The following ZFHX3 variants were observed in gnomAD, a reference collection of about 807,000 sequenced individuals.
The protein encoded by ZFHX3 is zinc finger homeobox protein 3.
Under a neutral mutation model 279.1 loss-of-function variants are expected in ZFHX3, and 42 were observed. The ratio of observed to expected loss-of-function variants is 0.15; its 90% confidence interval spans 0.12 to 0.19. The LOEUF is 0.19. Ranked by LOEUF, ZFHX3 falls within the 10% of genes least tolerant of loss-of-function variation. ZFHX3 has a pLI of 1.00. For synonymous variants in ZFHX3, 2,293 were observed against 1,957.8 expected (o/e 1.17, Z -4.52); for missense variants, 4,981 against 4,754.0 (o/e 1.05, Z -1.40).
chr16:73,342,254 C>A (rs2016045556), intron 3 of ZFHX3, among the ~76,000 whole-genome samples: 1 of 152,144 alleles, frequency 6.6e-6, no homozygotes, highest in South Asian at 2.1e-4. Flanking sequence ...GGGGTCTTTG[C>A]AAAAGCTAAC....
chr16:73,854,642 T>C (rs1279266954), intron 1 of ZFHX3, among the ~76,000 whole-genome samples: 1 of 148,410 alleles, frequency 6.7e-6, no homozygotes, highest in African/African-American at 2.5e-5. Context: ...ATATTTTCTC[T>C]GGTTAAATAG....
intron 5 of ZFHX3, among the ~76,000 whole-genome samples, chr16:73,210,772 A>C (rs1007507174): frequency 1.3e-5 from 2 of 152,202 alleles, no homozygotes; most frequent in African/African-American, 4.8e-5. Flanking sequence ...GGGGAACAAG[A>C]GAGATGGCAG....
At chr16:73,170,765 G>A (rs1967501986) in intron 5 of ZFHX3, among the ~76,000 whole-genome samples, 1 of 152,140 alleles carries the variant, frequency 6.6e-6, no homozygotes, top group Non-Finnish European at 1.5e-5. Flanking sequence ...TGTACTTCCT[G>A]TCTCCCCAGG....
chr16:73,657,370 A>T (rs536198015), intron 2 of ZFHX3, among the ~76,000 whole-genome samples: 6 of 152,342 alleles, frequency 3.9e-5, no homozygotes, highest in Non-Finnish European at 8.8e-5. Context: ...GGCAGGGAGA[A>T]TCACCTAAAT....
At chr16:73,241,493 T>C (rs1040280868) in intron 5 of ZFHX3, among the ~76,000 whole-genome samples, 10 of 151,896 alleles carry the variant, frequency 6.6e-5, no homozygotes, top group African/African-American at 2.4e-4. Context: ...CTAAGAGTAA[T>C]AAAAGGAGGG....
At chr16:73,418,083 C>T (rs1226898811) in intron 3 of ZFHX3, among the ~76,000 whole-genome samples, 1 of 151,846 alleles carries the variant, frequency 6.6e-6, no homozygotes, top group Non-Finnish European at 1.5e-5. Flanking sequence ...AGCACAGCAG[C>T]TGACCATTCC....
chr16:72,983,601 G>A (rs1163380090), intron 1 of ZFHX3, among the ~76,000 whole-genome samples: 1 of 152,298 alleles, frequency 6.6e-6, no homozygotes, highest in East Asian at 1.9e-4. Context: ...CAGCTACTCA[G>A]GAGGATGAGA....
At chr16:73,458,735 T>C (rs990241802) in intron 2 of ZFHX3, among the ~76,000 whole-genome samples, 3 of 152,188 alleles carry the variant, frequency 2.0e-5, no homozygotes, top group African/African-American at 7.2e-5. Flanking sequence ...TCTTATGCTT[T>C]TGTATGATAG....
intron 2 of ZFHX3, among the ~76,000 whole-genome samples, chr16:73,600,833 C>T (rs2052106527): frequency 6.6e-6 from 1 of 152,126 alleles, no homozygotes; most frequent in African/African-American, 2.4e-5. Flanking sequence ...AGAGTAGGCA[C>T]ATACCCAAAT....
chr16:72,801,932 C>A (rs1335329902), intron 7 of ZFHX3, among the ~76,000 whole-genome samples: 11 of 151,778 alleles, frequency 7.2e-5, no homozygotes, highest in Admixed American at 7.2e-4. Flanking sequence ...GGAAAAAAGA[C>A]TCCCCCCCAC....
intron 2 of ZFHX3, among the ~76,000 whole-genome samples, chr16:73,640,160 A>C (rs1025888751): frequency 1.3e-5 from 2 of 152,178 alleles, no homozygotes; most frequent in Non-Finnish European, 2.9e-5. Context: ...ATGGAACTGG[A>C]GCATTCAGTG....
intron 2 of ZFHX3, among the ~76,000 whole-genome samples, chr16:73,458,366 CTCCTTCCTCCCTCCCT>C (rs1295366072): frequency 1.4e-5 from 2 of 142,576 alleles, no homozygotes; most frequent in Admixed American, 7.1e-5. Context: ...CCTTTCCTCC[CTCCTTCCTCCCTCCCT>C]TCCTTCCCTC....
rs535268377 is a variant in ZFHX3, at chr16:73,128,207, T to C, written c.-897+2761A>G. On this transcript the variant is annotated intron_variant, in intron 7 of 17. Transcript: ENST00000641206. ...GGGCTGGGTTTTAGAATCCTGTCTCTACCAGTTGTTACTATTTGGGTGATT... is the reference window on the plus strand; with the variant it reads ...GGGCTGGGTTTTAGAATCCTGTCTCCACCAGTTGTTACTATTTGGGTGATT... 4.0e-4 allele frequency among the ~76,000 whole-genome samples: 61 copies of C among 152,372 alleles called. 1 individual carries two copies. The Middle Eastern group carries it at 0.01, about 25-fold the overall frequency.
intron 3 of ZFHX3, among the ~76,000 whole-genome samples, chr16:73,379,710 T>C (rs771851587): frequency 6.6e-6 from 1 of 152,088 alleles, no homozygotes; most frequent in Non-Finnish European, 1.5e-5. Flanking sequence ...AGCAAAAAAA[T>C]AAAGTCAGGC....
chr16:73,866,507 T>C (rs1962025522), intron 1 of ZFHX3, among the ~76,000 whole-genome samples: 1 of 152,088 alleles, frequency 6.6e-6, no homozygotes, highest in Non-Finnish European at 1.5e-5. Context: ...TCACTCCCAC[T>C]TCTCCTGAAA....
intron 3 of ZFHX3, among the ~76,000 whole-genome samples, chr16:73,385,852 G>C (rs780913588): frequency 7.9e-5 from 12 of 152,184 alleles, no homozygotes; most frequent in Non-Finnish European, 1.5e-4. Context: ...CCCACGGAAG[G>C]TGATGTTCCT....
At chr16:73,012,240 G>A (rs191506508) in intron 1 of ZFHX3, among the ~76,000 whole-genome samples, 16 of 135,952 alleles carry the variant, frequency 1.2e-4, no homozygotes, top group Admixed American at 2.9e-4. Flanking sequence ...GCTCCACAGC[G>A]CCTCTCCATG....
intron 2 of ZFHX3, among the ~76,000 whole-genome samples, chr16:73,473,438 G>A (rs548296989): frequency 2.6e-5 from 4 of 151,772 alleles, no homozygotes; most frequent in South Asian, 4.2e-4. Flanking sequence ...GAGGGGAGGC[G>A]AAAATAAGGT....
At chr16:73,591,505 A>G (rs9927382) in intron 2 of ZFHX3, among the ~76,000 whole-genome samples, 4,280 of 151,512 alleles carry the variant, frequency 0.028, 199 homozygotes, top group African/African-American at 0.098. Context: ...CATCGTGGCT[A>G]ACTCGTGAAA....
Sources: gnomAD v4.1 joint callset for allele counts (sites outside exome capture counted in the v4.1 genomes callset) on GRCh38, gnomAD v4.1.1 for gene constraint, MANE v1.5 for transcripts, NCBI Gene and HGNC (gene_info 2026-07-23, HGNC 2026-07-21) for gene names.